The following FEZ1 variants were observed in gnomAD, a reference collection of about 807,000 sequenced individuals.
FEZ1 encodes fasciculation and elongation protein zeta 1.
FEZ1 carries 20 observed loss-of-function variants against 49.3 expected under a neutral mutation model. The observed-to-expected ratio is 0.41, with a 90% confidence interval of 0.29 to 0.59. The LOEUF (loss-of-function observed/expected upper bound fraction) is 0.59. Among genes scored for constraint, FEZ1 ranks in the 20% least tolerant of loss-of-function variants. The pLI, the probability that FEZ1 is intolerant of heterozygous loss-of-function variation, is 0.36. For missense variants in FEZ1, 413 were observed against 476.0 expected (o/e 0.87, Z 1.23); for synonymous variants, 170 against 180.9 (o/e 0.94, Z 0.48).
intron 3 of FEZ1, among the ~76,000 whole-genome samples, chr11:125,467,284 T>A (rs908192121): frequency 2.0e-5 from 3 of 151,866 alleles, no homozygotes; most frequent in African/African-American, 7.3e-5. Flanking sequence ...CCTCAAGCAA[T>A]CCTCCCACCT....
Position 125,454,178 on chromosome 11 carries a change from C to A in FEZ1, c.972G>T (p.Leu324=). 6.2e-7 allele frequency: 1 copy of A among 1,613,620 alleles called. No homozygotes were observed. The highest frequency in any genetic ancestry group is 8.5e-7 in the Non-Finnish European group (1 of 1,179,804). ...CAAAGGTCTGGCGGATGCCACTCTG[C>A]AGAATGTTGGAGATGCCTTCCATGC... ...RFSMEGISNI[L]QSGIRQTFGS... The change falls in exon 7 of 10, where the codon CTG becomes CTT. Residue 324 remains leucine, a synonymous_variant. Transcript: ENST00000278919.
chr11:125,448,677 CA>C, intron 8 of FEZ1, 110 bp from the exon 9 acceptor site: 1 of 749,938 alleles, frequency 1.3e-6, no homozygotes, highest in South Asian at 1.5e-5. Context: ...TCAAAAGAAC[CA>C]GACATTTATT....
chr11:125,463,361 C>T, intron 4 of FEZ1, 123 bp downstream of exon 4: 1 of 658,976 alleles, frequency 1.5e-6, no homozygotes, highest in Non-Finnish European at 2.7e-6. Context: ...GAGTCATGAG[C>T]ACAGGCACCA....
rs1956985474 is a variant in FEZ1, at chr11:125,454,189, A to C, written c.961T>G (p.Ser321Ala). Reference sequence around the variant, plus strand: ...CGGATGCCACTCTGCAGAATGTTGGAGATGCCTTCCATGCTGAAGCGCTGT... The same window carrying C: ...CGGATGCCACTCTGCAGAATGTTGGCGATGCCTTCCATGCTGAAGCGCTGT... The part of the protein sequence containing the change: ...PLKRFSMEGI[S>A]NILQSGIRQT... The change falls in exon 7 of 10, where the codon TCC (serine) becomes GCC (alanine). Residue 321 changes from serine (S) to alanine (A), a missense_variant. By Grantham distance (99) the Ser-to-Ala change is moderately conservative (BLOSUM62 1). Coordinates refer to ENST00000278919, the MANE Select transcript of FEZ1 (RefSeq NM_005103.5). 6.2e-7 allele frequency: 1 copy of C among 1,613,472 alleles called. No individual in the cohort carries two copies. The highest frequency in any genetic ancestry group is 1.7e-5 in the Admixed American group (1 of 59,928).
In FEZ1 at chr11:125,489,905, C is replaced by T; in HGVS notation, c.-45-83G>A. The T allele has an allele frequency of 8.2e-7, 1 of 1,216,392 alleles. No homozygotes were observed. The highest frequency in any genetic ancestry group is 1.1e-6 in the Non-Finnish European group (1 of 924,230). 75.3% of individuals were successfully genotyped at this position (1,216,392 alleles called of 1,614,324 possible). ...TTAACTTTAGAGACACACCTGCTTC[C>T]AATTCCCTACTCCAAAAAACAAGGC... is the stretch of plus-strand genomic sequence containing the variant. On this transcript the variant is annotated intron_variant, in intron 1 of 9. Coordinates refer to ENST00000278919, the MANE Select transcript of FEZ1 (RefSeq NM_005103.5). The surrounding 1 kb of genome is among the most constrained non-coding windows in gnomAD (Gnocchi z 4.2).
chr11:125,490,849 A>G (rs1273433472), intron 1 of FEZ1, among the ~76,000 whole-genome samples: 3 of 151,992 alleles, frequency 2.0e-5, no homozygotes, highest in South Asian at 2.1e-4. Flanking sequence ...ACTGCAACCT[A>G]CACCTCTGGG....
chr11:125,465,693 G>C (rs1957121426), intron 3 of FEZ1, among the ~76,000 whole-genome samples: 1 of 152,102 alleles, frequency 6.6e-6, no homozygotes, highest in Non-Finnish European at 1.5e-5. Context: ...GAAAACCCTG[G>C]CTCCTTCCCT....
intron 9 of FEZ1, among the ~76,000 whole-genome samples, chr11:125,447,426 T>C (rs973572323): frequency 6.6e-6 from 1 of 152,220 alleles, no homozygotes; most frequent in Admixed American, 6.5e-5. Context: ...CATATTATTA[T>C]CTAATTGCAA....
rs1957444869 is a variant in FEZ1 at position 125,495,110 on chromosome 11, G to T, written c.-46+1011C>A. 2.9e-6 allele frequency: 1 copy of T among 346,680 alleles called. No individual in the cohort carries two copies. Among genetic ancestry groups the T allele is most frequent in the East Asian group, 7.9e-5 (1 of 12,686 alleles). The allele number at this position is 346,680 out of a possible 1,614,324, so 21.5% of individuals were successfully genotyped here. On this transcript the variant is annotated intron_variant, in intron 1 of 9. Transcript: ENST00000278919. The surrounding 1 kb of genome is among the most constrained non-coding windows in gnomAD (Gnocchi z 4.2). ...CATATGGATCAGCAACCCCTTCGCG[G>T]TTCTGCTTGCTCCCCTCCCCCTCCT...
chr11:125,477,963 A>G (rs191692625), intron 3 of FEZ1, among the ~76,000 whole-genome samples: 3 of 152,232 alleles, frequency 2.0e-5, no homozygotes, highest in African/African-American at 2.4e-5. Context: ...TTTGTCTTGC[A>G]CTTACAGTGC....
intron 2 of FEZ1, among the ~76,000 whole-genome samples, chr11:125,488,071 A>G (rs1319022913): frequency 6.6e-6 from 1 of 152,230 alleles, no homozygotes; most frequent in Non-Finnish European, 1.5e-5. Context: ...CAATGGATGC[A>G]TATTGTATCT....
intron 4 of FEZ1, among the ~76,000 whole-genome samples, chr11:125,462,479 C>T (rs1957085291): frequency 1.3e-5 from 2 of 152,176 alleles, no homozygotes; most frequent in Admixed American, 1.3e-4. Flanking sequence ...TGTCACTTCT[C>T]TTTTTGGGAA....
chr11:125,477,856 C>CAAAAAAAAAAAAAAAAA (rs11413508), intron 3 of FEZ1, among the ~76,000 whole-genome samples: 1 of 141,410 alleles, frequency 7.1e-6, no homozygotes, highest in African/African-American at 2.7e-5. Flanking sequence ...GAGCTTTATG[C>CAAAAAAAAAAAAAAAAA]AAAAAAAAAA....
intron 3 of FEZ1, among the ~76,000 whole-genome samples, chr11:125,472,751 A>G (rs1282547301): frequency 1.3e-5 from 2 of 152,186 alleles, no homozygotes; most frequent in Non-Finnish European, 2.9e-5. Flanking sequence ...GAAAAAGAAC[A>G]TGATGCAAAA....
At chr11:125,456,230 T>G in intron 5 of FEZ1, 124 bp from the exon 6 acceptor site, 1 of 936,548 alleles carries the variant, frequency 1.1e-6, no homozygotes, top group Non-Finnish European at 1.5e-6. Context: ...TCCAACTCCT[T>G]AAAGATCCAA....
intron 5 of FEZ1, chr11:125,460,161 T>G: frequency 5.3e-6 from 1 of 190,298 alleles, no homozygotes; most frequent in Non-Finnish European, 1.1e-5. Flanking sequence ...TTCAGAAATA[T>G]GAGCTGTTAC....
intron 2 of FEZ1, among the ~76,000 whole-genome samples, chr11:125,487,378 C>A (rs1957334256): frequency 6.6e-6 from 1 of 152,110 alleles, no homozygotes; most frequent in Non-Finnish European, 1.5e-5. Flanking sequence ...CACAGTCAAC[C>A]AGGGTTAAAT....
Position 125,463,491 on chromosome 11 carries a change from G to A in FEZ1, c.491C>T (p.Ala164Val). 6.3e-7 allele frequency: 1 copy of A among 1,590,160 alleles called. No homozygotes were observed. Among genetic ancestry groups the A allele is most frequent in the Non-Finnish European group, 8.6e-7 (1 of 1,158,330 alleles). The change falls in exon 4 of 10, where the codon GCA (alanine) becomes GTA (valine). Residue 164 changes from alanine to valine, a missense_variant. By Grantham distance (64) the Ala-to-Val change is moderately conservative. Transcript: ENST00000278919. ...SGINEEPLLTADQVIEEIEEM... is the reference protein window; with the variant it reads ...SGINEEPLLTVDQVIEEIEEM... ...CTGGAGAGATACTTATACCTGATCT[G>A]CTGTGAGCAGAGGCTCCTCGTTGAT...
chr11:125,471,236 C>T (rs1046249193), intron 3 of FEZ1, among the ~76,000 whole-genome samples: 35 of 151,982 alleles, frequency 2.3e-4, no homozygotes, highest in Non-Finnish European at 4.1e-4. Context: ...GAAGACAATA[C>T]GCTCCAACAC....
Sources: gnomAD v4.1 joint callset for allele counts (sites outside exome capture counted in the v4.1 genomes callset) on GRCh38, gnomAD v4.1.1 for gene constraint, Gnocchi (gnomAD v3.1) non-coding constraint, MANE v1.5 for transcripts, NCBI Gene and HGNC (gene_info 2026-07-23, HGNC 2026-07-21) for gene names.